CADM2: variants seen among roughly 807,000 people sequenced by gnomAD.
CADM2 encodes immunoglobulin superfamily member 4D.
A neutral mutation model predicts 49.8 loss-of-function variants in CADM2; 12 were observed. That is an observed-to-expected ratio of 0.24 (90% CI 0.15 to 0.39). The LOEUF is 0.39. CADM2 is among the 10% of genes least tolerant of loss of function. The probability of loss-of-function intolerance (pLI) is 1.00; values close to 1 mark genes in which losing one functional copy is unlikely to be tolerated. For missense variants in CADM2, 378 were observed against 492.3 expected (o/e 0.77, Z 2.20); for synonymous variants, 214 against 175.4 (o/e 1.22, Z -1.74).
intron 1 of CADM2, among the ~76,000 whole-genome samples, chr3:84,980,944 T>C (rs991379008): frequency 2.6e-5 from 4 of 152,132 alleles, no homozygotes; most frequent in Non-Finnish European, 4.4e-5. Context: ...CTCAGTGGTA[T>C]TTTGTAAAAT....
Position 86,070,032 on chromosome 3 carries a change from T to C in CADM2, c.*3249T>C, listed in dbSNP as rs1739717061. 1 of 151,868 alleles carries C rather than the reference T, an allele frequency of 6.6e-6. No homozygotes were observed. Among genetic ancestry groups the C allele is most frequent in the African/African-American group, 2.4e-5 (1 of 41,404 alleles). 9.4% of individuals were successfully genotyped at this position (151,868 alleles called of 1,614,324 possible). ...GAAAAGAGAGAGAAATTTCAACTTGTTTTCTTTTACCAGAGAATCCAAGAA... is the reference window on the plus strand; with the variant it reads ...GAAAAGAGAGAGAAATTTCAACTTGCTTTCTTTTACCAGAGAATCCAAGAA... On this transcript the variant is annotated 3_prime_UTR_variant, in exon 10 of 10. Coordinates refer to ENST00000383699, the MANE Select transcript of CADM2 (RefSeq NM_001167675.2).
At chr3:85,122,297 A>G (rs961670746) in intron 1 of CADM2, among the ~76,000 whole-genome samples, 3 of 152,190 alleles carry the variant, frequency 2.0e-5, no homozygotes, top group African/African-American at 7.2e-5. Flanking sequence ...AAACATGAAA[A>G]GTGAAGTTCA....
At chr3:85,341,615 C>T (rs2045241356) in intron 1 of CADM2, among the ~76,000 whole-genome samples, 1 of 151,970 alleles carries the variant, frequency 6.6e-6, no homozygotes, top group South Asian at 2.1e-4. Context: ...TAAAAATGAA[C>T]TAGAGTGCAG....
At chr3:85,413,138 C>CAAAAAAAAAAAAAAAAAAAAAAAAAA (rs397973777) in intron 1 of CADM2, among the ~76,000 whole-genome samples, 1 of 17,126 alleles carries the variant, frequency 5.8e-5, no homozygotes, top group African/African-American at 1.7e-4. Flanking sequence ...GACTCCGTCT[C>CAAAAAAAAAAAAAAAAAAAAAAAAAA]AAAAAAAAAA....
At chr3:85,194,078 T>G (rs1332059646) in intron 1 of CADM2, among the ~76,000 whole-genome samples, 2 of 152,076 alleles carry the variant, frequency 1.3e-5, no homozygotes, top group Admixed American at 6.6e-5. Context: ...AAGAAGTAGT[T>G]TATGAACTAA....
chr3:85,237,144 A>G (rs1467744626), intron 1 of CADM2, among the ~76,000 whole-genome samples: 1 of 152,084 alleles, frequency 6.6e-6, no homozygotes, highest in East Asian at 1.9e-4. Context: ...TTAGTTTTCA[A>G]AGTTAGGCCA....
At chr3:85,312,053 G>A (rs1313187134) in intron 1 of CADM2, among the ~76,000 whole-genome samples, 2 of 151,926 alleles carry the variant, frequency 1.3e-5, no homozygotes, top group East Asian at 3.9e-4. Flanking sequence ...TTTTTTTAAA[G>A]GCCTCTTTTT....
At chr3:85,037,823 TC>T (rs2035281357) in intron 1 of CADM2, among the ~76,000 whole-genome samples, 1 of 152,202 alleles carries the variant, frequency 6.6e-6, no homozygotes, top group East Asian at 1.9e-4. Flanking sequence ...GAATATTATA[TC>T]CTCTTTCTTT....
chr3:85,335,871 C>G (rs1050838978), intron 1 of CADM2, among the ~76,000 whole-genome samples: 1 of 151,394 alleles, frequency 6.6e-6, no homozygotes, highest in Non-Finnish European at 1.5e-5. Context: ...TCATTACTTT[C>G]TGTTTCCCTA....
chr3:86,016,363 C>A (rs920397213), intron 8 of CADM2, among the ~76,000 whole-genome samples: 5 of 152,096 alleles, frequency 3.3e-5, no homozygotes, highest in Non-Finnish European at 5.9e-5. Flanking sequence ...TTGTACCAAT[C>A]TATCTCTTAA....
At chr3:86,040,810 A>G (rs1286334491) in intron 8 of CADM2, among the ~76,000 whole-genome samples, 1 of 152,170 alleles carries the variant, frequency 6.6e-6, no homozygotes, top group East Asian at 1.9e-4. Flanking sequence ...TGAAGGAAAA[A>G]ATGTTAAGGG....
At chr3:85,164,153 T>C (rs2040407457) in intron 1 of CADM2, among the ~76,000 whole-genome samples, 1 of 151,976 alleles carries the variant, frequency 6.6e-6, no homozygotes, top group Non-Finnish European at 1.5e-5. Context: ...TTTGGATTTT[T>C]CTTGCTATCT....
At chr3:85,904,869 C>A (rs755085173) in intron 5 of CADM2, among the ~76,000 whole-genome samples, 1 of 152,106 alleles carries the variant, frequency 6.6e-6, no homozygotes, top group Non-Finnish European at 1.5e-5. Flanking sequence ...ATAAAATCTG[C>A]ACTTTTCTAT....
intron 3 of CADM2, chr3:85,827,937 A>G: frequency 6.6e-6 from 1 of 151,826 alleles, no homozygotes; most frequent in Admixed American, 6.6e-5. Flanking sequence ...TTGGTTATGG[A>G]CAATTCCATG....
chr3:85,964,476 G>A (rs1230192277), intron 8 of CADM2, among the ~76,000 whole-genome samples: 1 of 151,556 alleles, frequency 6.6e-6, no homozygotes, highest in Non-Finnish European at 1.5e-5. Context: ...TTATTTAAGT[G>A]CACTATTAAG....
rs1444255483 is a variant in CADM2 at position 85,505,024 on chromosome 3, C to CCG, written c.62-221492_62-221491dup. ...CGGAACTCCAGCTGGCCCGGAAGCG[C>CCG]CGCGCGCAGCCCCGGTTCCCGCTGG... On this transcript the variant is annotated intron_variant, in intron 1 of 9. Transcript: ENST00000383699. 3.9e-5 allele frequency among the ~76,000 whole-genome samples: 6 copies of CCG among 152,226 alleles called. No individual in the cohort carries two copies. In the East Asian group the frequency reaches 1.2e-3, roughly 30 times the overall value.
At chr3:85,638,993 G>A (rs747748927) in intron 1 of CADM2, among the ~76,000 whole-genome samples, 3 of 152,152 alleles carry the variant, frequency 2.0e-5, no homozygotes, top group African/African-American at 4.8e-5. Flanking sequence ...TTATGATTCT[G>A]AAGGTGAAGG....
chr3:85,613,637 T>C (rs1227414853), intron 1 of CADM2, among the ~76,000 whole-genome samples: 1 of 151,630 alleles, frequency 6.6e-6, no homozygotes, highest in African/African-American at 2.4e-5. Flanking sequence ...TAATAACTAA[T>C]ATAATTTTTA....
At chr3:85,432,654 A>C (rs2107525428) in intron 1 of CADM2, among the ~76,000 whole-genome samples, 1 of 152,304 alleles carries the variant, frequency 6.6e-6, no homozygotes, top group South Asian at 2.1e-4. Flanking sequence ...CTGAAAATAC[A>C]AATTCTAGAC....
Sources: allele counts gnomAD v4.1 joint callset (sites outside exome capture counted in the v4.1 genomes callset), GRCh38; gene constraint gnomAD v4.1.1; transcripts MANE v1.5; gene names NCBI Gene and HGNC (gene_info 2026-07-23, HGNC 2026-07-21).